PTPRT: variants seen among roughly 807,000 people sequenced by gnomAD.
The protein encoded by PTPRT is protein tyrosine phosphatase receptor type T.
Under a neutral mutation model 176.8 loss-of-function variants are expected in PTPRT, and 56 were observed. The observed-to-expected ratio is 0.32, with a 90% CI of 0.26 to 0.40. The LOEUF is 0.40. Among genes scored for constraint, PTPRT ranks in the 10% least tolerant of loss-of-function variants. PTPRT has a pLI of 1.00. For missense variants in PTPRT, 1,540 were observed against 1,908.2 expected (o/e 0.81, Z 3.60); for synonymous variants, 783 against 739.0 (o/e 1.06, Z -0.96).
At chr20:42,217,638 T>C (rs989296622) in intron 15 of PTPRT, among the ~76,000 whole-genome samples, 1 of 152,164 alleles carries the variant, frequency 6.6e-6, no homozygotes, top group African/African-American at 2.4e-5. Context: ...TTGGGCCAGA[T>C]AATTATTTGC....
intron 1 of PTPRT, among the ~76,000 whole-genome samples, chr20:42,896,214 C>T (rs370907440): frequency 6.6e-6 from 1 of 152,172 alleles, no homozygotes; most frequent in Non-Finnish European, 1.5e-5. Flanking sequence ...TGAGCCAAGA[C>T]TCCAATCATG....
intron 1 of PTPRT, among the ~76,000 whole-genome samples, chr20:43,172,816 T>A (rs1338221435): frequency 6.6e-6 from 1 of 151,588 alleles, no homozygotes; most frequent in East Asian, 1.9e-4. Context: ...ATACAGCTTA[T>A]AAATTAGCAC....
At chr20:42,895,830 C>T (rs1259967009) in intron 1 of PTPRT, among the ~76,000 whole-genome samples, 3 of 152,174 alleles carry the variant, frequency 2.0e-5, no homozygotes, top group African/African-American at 4.8e-5. Flanking sequence ...TCAGATTTGG[C>T]TGGTAGGCTA....
intron 7 of PTPRT, chr20:42,606,950 T>C (rs1287496839): frequency 4.6e-5 from 7 of 152,208 alleles, no homozygotes; most frequent in Admixed American, 4.6e-4. Flanking sequence ...GCAACCCAAG[T>C]GCTCATGGAT....
At chr20:43,160,919 TAA>T (rs11484206) in intron 1 of PTPRT, among the ~76,000 whole-genome samples, 1 of 143,342 alleles carries the variant, frequency 7.0e-6, no homozygotes, top group Non-Finnish European at 1.5e-5. Context: ...GAATTTTCTT[TAA>T]AAAAAAAAAA....
chr20:42,041,701 G>C, the PTPRT span, among the ~76,000 whole-genome samples: 1 of 152,036 alleles, frequency 6.6e-6, no homozygotes, highest in African/African-American at 2.4e-5. Context: ...TCGTATAATG[G>C]GGGCAATAAT....
At chr20:43,113,471 A>G (rs2012943034) in intron 1 of PTPRT, among the ~76,000 whole-genome samples, 1 of 152,218 alleles carries the variant, frequency 6.6e-6, no homozygotes, top group African/African-American at 2.4e-5. Flanking sequence ...TGACATTTTT[A>G]TTAGATCCTC....
At chr20:42,428,940 C>A (rs1008640923) in intron 9 of PTPRT, among the ~76,000 whole-genome samples, 5 of 152,154 alleles carry the variant, frequency 3.3e-5, no homozygotes, top group Non-Finnish European at 7.3e-5. Context: ...CCCCACCCTA[C>A]ATCTGCAAGC....
At chr20:42,640,236 AT>A (rs1364038112) in intron 7 of PTPRT, among the ~76,000 whole-genome samples, 3 of 152,026 alleles carry the variant, frequency 2.0e-5, no homozygotes, top group African/African-American at 7.2e-5. Context: ...CACCAGTAAA[AT>A]TTATTTTTTT....
At chr20:42,037,584 A>C in the PTPRT span, among the ~76,000 whole-genome samples, 1 of 152,132 alleles carries the variant, frequency 6.6e-6, no homozygotes, top group African/African-American at 2.4e-5. Context: ...GAAAACTGAC[A>C]TTTCAGTAAT....
chr20:42,447,165 T>C (rs1405237981), intron 9 of PTPRT, among the ~76,000 whole-genome samples: 1 of 152,124 alleles, frequency 6.6e-6, no homozygotes, highest in Non-Finnish European at 1.5e-5. Flanking sequence ...CCACTCCCTA[T>C]ACATGCATGT....
intron 7 of PTPRT, among the ~76,000 whole-genome samples, chr20:42,590,927 CGTGTGTGTGTGTGTGTGT>C (rs11468131): frequency 2.2e-4 from 29 of 130,996 alleles, no homozygotes; most frequent in African/African-American, 3.3e-4. Context: ...AGAGATTTAG[CGTGTGTGTGTGTGTGTGT>C]GTGTGTGTGT....
chr20:42,907,619 C>T (rs1049758215), intron 1 of PTPRT, among the ~76,000 whole-genome samples: 3 of 152,028 alleles, frequency 2.0e-5, no homozygotes, highest in Non-Finnish European at 2.9e-5. Context: ...CAGCAGTATC[C>T]GCCAGCTGGC....
chr20:42,055,739 A>G, the PTPRT span, among the ~76,000 whole-genome samples: 1 of 152,180 alleles, frequency 6.6e-6, no homozygotes, highest in South Asian at 2.1e-4. Flanking sequence ...AGGAATAGGA[A>G]GAGGTGCAGA....
intron 15 of PTPRT, among the ~76,000 whole-genome samples, chr20:42,224,231 T>C (rs1237488938): frequency 6.6e-6 from 1 of 152,222 alleles, no homozygotes; most frequent in African/African-American, 2.4e-5. Flanking sequence ...GAGATAATCA[T>C]GGTGGAGGTG....
intron 15 of PTPRT, among the ~76,000 whole-genome samples, chr20:42,220,320 T>C (rs2055857593): frequency 6.6e-6 from 1 of 152,174 alleles, no homozygotes; most frequent in Non-Finnish European, 1.5e-5. Flanking sequence ...ACCAAATTGA[T>C]CTACAGATTC....
At chr20:42,946,291 C>T (rs768605394) in intron 1 of PTPRT, among the ~76,000 whole-genome samples, 1 of 152,210 alleles carries the variant, frequency 6.6e-6, no homozygotes, top group African/African-American at 2.4e-5. Context: ...CAGCAGATGG[C>T]AGGGCCTGAA....
At chr20:42,217,672 T>G (rs1269392769) in intron 15 of PTPRT, among the ~76,000 whole-genome samples, 2 of 152,204 alleles carry the variant, frequency 1.3e-5, no homozygotes, top group African/African-American at 4.8e-5. Flanking sequence ...GGGAGTTACC[T>G]AGTGCACTGC....
At chr20:42,777,627 C>T (rs536164297) in intron 4 of PTPRT, among the ~76,000 whole-genome samples, 2 of 152,236 alleles carry the variant, frequency 1.3e-5, no homozygotes, top group Non-Finnish European at 2.9e-5. Flanking sequence ...GTACAAGGAC[C>T]GAACCTTTCT....
Sources: gnomAD v4.1 joint callset for allele counts (sites outside exome capture counted in the v4.1 genomes callset) on GRCh38, gnomAD v4.1.1 for gene constraint, MANE v1.5 for transcripts, NCBI Gene and HGNC (gene_info 2026-07-23, HGNC 2026-07-21) for gene names.